EXOC6B: variants seen among roughly 807,000 people sequenced by gnomAD.
EXOC6B encodes the protein exocyst complex component 6B, also known as SEC15 homolog B.
Under a neutral mutation model 113.5 loss-of-function variants are expected in EXOC6B, and 54 were observed. That is an observed-to-expected ratio of 0.48 (90% CI 0.38 to 0.60). The LOEUF (loss-of-function observed/expected upper bound fraction) is 0.60. Among genes scored for constraint, EXOC6B ranks in the 20% least tolerant of loss-of-function variants. The pLI is 0.00. For missense variants in EXOC6B, 797 were observed against 977.5 expected (o/e 0.82, Z 2.46); for synonymous variants, 357 against 339.0 (o/e 1.05, Z -0.58).
intron 19 of EXOC6B, among the ~76,000 whole-genome samples, chr2:72,367,805 C>T (rs1325860067): frequency 6.6e-6 from 1 of 152,104 alleles, no homozygotes; most frequent in Non-Finnish European, 1.5e-5. Flanking sequence ...AAAAATTGTG[C>T]TGGCTGGGCT....
chr2:72,498,409 A>G (rs971003077), intron 13 of EXOC6B, 45 bp downstream of exon 13: 2 of 1,328,664 alleles, frequency 1.5e-6, no homozygotes, highest in African/African-American at 2.9e-5. Context: ...TGTGTACACT[A>G]ATGTACATGA....
intron 6 of EXOC6B, among the ~76,000 whole-genome samples, chr2:72,643,809 A>AT (rs1461188809): frequency 6.7e-6 from 1 of 149,940 alleles, no homozygotes; most frequent in Non-Finnish European, 1.5e-5. Context: ...AAAAAAATTA[A>AT]AAAATAAATA....
intron 20 of EXOC6B, among the ~76,000 whole-genome samples, chr2:72,326,827 G>T (rs1275295551): frequency 6.6e-6 from 1 of 151,854 alleles, no homozygotes; most frequent in African/African-American, 2.4e-5. Flanking sequence ...AATATACTCT[G>T]GTGGAACCTC....
chr2:72,334,000 T>C (rs966275864), intron 20 of EXOC6B, among the ~76,000 whole-genome samples: 2 of 151,858 alleles, frequency 1.3e-5, no homozygotes, highest in Non-Finnish European at 2.9e-5. Context: ...ATGCAAACTA[T>C]GTCAGCTCTG....
rs536449134 is a variant in EXOC6B at position 72,604,509 on chromosome 2, A to C, written c.670-28841T>G. Among the ~76,000 whole-genome samples the C allele has an allele frequency of 2.0e-5, 3 of 152,340 alleles. No homozygotes were observed. The South Asian group carries it at 6.2e-4, about 32-fold the overall frequency. ...TAAATTCAAAAACTCTACAACATAGATACTTTCATTATTTCCACTTTATAG... is the reference window on the plus strand; with the variant it reads ...TAAATTCAAAAACTCTACAACATAGCTACTTTCATTATTTCCACTTTATAG... On this transcript the variant is annotated intron_variant, in intron 6 of 21. Transcript: ENST00000272427.
chr2:72,738,299 G>T (rs906697736), intron 2 of EXOC6B, among the ~76,000 whole-genome samples: 5 of 152,116 alleles, frequency 3.3e-5, no homozygotes, highest in Non-Finnish European at 7.4e-5. Flanking sequence ...CCATATGAGT[G>T]ACTAGAACTA....
At chr2:72,615,879 C>T (rs577506345) in intron 6 of EXOC6B, among the ~76,000 whole-genome samples, 2 of 152,022 alleles carry the variant, frequency 1.3e-5, no homozygotes, top group Non-Finnish European at 2.9e-5. Context: ...TCCAGTGAAA[C>T]AAAATGTGAA....
At chr2:72,710,827 T>C (rs564023881) in intron 6 of EXOC6B, among the ~76,000 whole-genome samples, 1 of 152,204 alleles carries the variant, frequency 6.6e-6, no homozygotes, top group Admixed American at 6.5e-5. Flanking sequence ...GGGTCAGTTC[T>C]TTTAAAACCA....
intron 20 of EXOC6B, among the ~76,000 whole-genome samples, chr2:72,295,800 C>T (rs1471521029): frequency 6.6e-6 from 1 of 152,114 alleles, no homozygotes; most frequent in Non-Finnish European, 1.5e-5. Flanking sequence ...TTTTAAACTC[C>T]TTTCTAATAT....
At chr2:72,419,529 G>A (rs1694737146) in intron 18 of EXOC6B, among the ~76,000 whole-genome samples, 1 of 152,158 alleles carries the variant, frequency 6.6e-6, no homozygotes, top group African/African-American at 2.4e-5. Flanking sequence ...ATGTGGGGAT[G>A]CCTTACTTTC....
intron 15 of EXOC6B, among the ~76,000 whole-genome samples, 160 bp downstream of exon 15, chr2:72,495,270 A>T (rs1699974407): frequency 6.6e-6 from 1 of 152,224 alleles, no homozygotes; most frequent in Admixed American, 6.6e-5. Flanking sequence ...CTTCTCTTTC[A>T]TCGTGACTAT....
chr2:72,377,007 A>C (rs971552833), intron 19 of EXOC6B, among the ~76,000 whole-genome samples: 1 of 152,170 alleles, frequency 6.6e-6, no homozygotes, highest in Non-Finnish European at 1.5e-5. Flanking sequence ...ACTAAACAGC[A>C]AGAAAAATAA....
At chr2:72,308,811 A>G (rs1687032116) in intron 20 of EXOC6B, among the ~76,000 whole-genome samples, 1 of 152,116 alleles carries the variant, frequency 6.6e-6, no homozygotes, top group Non-Finnish European at 1.5e-5. Flanking sequence ...GTTCTTTATA[A>G]TAACTAAAAC....
chr2:72,741,486 C>A lies in EXOC6B; in HGVS notation c.114-17G>T. ...TAAACAGACCTTTAAAAAAAAATGG[C>A]ACGAAGATTATACCATGGTTACTTC... On this transcript the variant is annotated splice_polypyrimidine_tract_variant and intron_variant, in intron 1 of 21. Transcript: ENST00000272427. 6.3e-7 allele frequency: 1 copy of A among 1,592,086 alleles called. No individual in the cohort carries two copies. Among genetic ancestry groups the A allele is most frequent in the South Asian group, 1.1e-5 (1 of 87,214 alleles).
At chr2:72,341,361 TGTAATAAATTA>T (rs1299198314) in intron 19 of EXOC6B, among the ~76,000 whole-genome samples, 2 of 152,134 alleles carry the variant, frequency 1.3e-5, no homozygotes, top group African/African-American at 4.8e-5. Flanking sequence ...ATCCAGAACA[TGTAATAAATTA>T]CTACAATAGA....
chr2:72,189,393 C>A (rs961927464), intron 20 of EXOC6B, among the ~76,000 whole-genome samples: 1 of 152,132 alleles, frequency 6.6e-6, no homozygotes, highest in Non-Finnish European at 1.5e-5. Context: ...AGGGTATCAC[C>A]TCTGGAGGCA....
chr2:72,381,563 T>C (rs746131586), intron 18 of EXOC6B, among the ~76,000 whole-genome samples: 1 of 152,192 alleles, frequency 6.6e-6, no homozygotes, highest in Non-Finnish European at 1.5e-5. Context: ...AATAATATCA[T>C]ACTACATTTT....
chr2:72,370,794 T>C (rs2105025747), intron 19 of EXOC6B, among the ~76,000 whole-genome samples: 1 of 148,784 alleles, frequency 6.7e-6, no homozygotes, highest in South Asian at 2.1e-4. Flanking sequence ...TTCTCACTCA[T>C]AGGTGGGAAT....
intron 6 of EXOC6B, among the ~76,000 whole-genome samples, chr2:72,705,004 A>G (rs867377588): frequency 2.0e-5 from 3 of 152,142 alleles, no homozygotes; most frequent in Non-Finnish European, 4.4e-5. Flanking sequence ...CTGATACCAA[A>G]GCCAGGCAGA....
Sources: gnomAD v4.1 joint callset for allele counts (sites outside exome capture counted in the v4.1 genomes callset) on GRCh38, gnomAD v4.1.1 for gene constraint, MANE v1.5 for transcripts, NCBI Gene and HGNC (gene_info 2026-07-23, HGNC 2026-07-21) for gene names.